Variants in USP28 observed in about 807,000 individuals in gnomAD.
USP28 encodes the protein ubiquitin specific peptidase 28.
USP28 carries 113 observed loss-of-function variants against 145.0 expected under a neutral mutation model. The ratio of observed to expected loss-of-function variants is 0.78; its 90% CI spans 0.67 to 0.91. The LOEUF (loss-of-function observed/expected upper bound fraction) is 0.91, where lower values mean the gene tolerates loss of function less well. Ranked by LOEUF, USP28 falls within the 40% of genes least tolerant of loss-of-function variation. The pLI is 0.00. For synonymous variants in USP28, 447 were observed against 450.9 expected (o/e 0.99, Z 0.11); for missense variants, 1,201 against 1,289.6 (o/e 0.93, Z 1.05).
At chr11:113,801,858 G>A (rs1939088556) in intron 23 of USP28, among the ~76,000 whole-genome samples, 180 bp from the exon 25 acceptor site, 1 of 152,190 alleles carries the variant, frequency 6.6e-6, no homozygotes, top group African/African-American at 2.4e-5. Context: ...GTGTTTAGAT[G>A]ACCGGGACAC....
chr11:113,869,208 G>A (rs977397366), intron 1 of USP28, among the ~76,000 whole-genome samples: 13 of 152,088 alleles, frequency 8.5e-5, no homozygotes, highest in Admixed American at 3.9e-4. Flanking sequence ...CAAGGCAGAC[G>A]GATCACCGGA....
chr11:113,849,301 A>T (rs1045068780), intron 3 of USP28, among the ~76,000 whole-genome samples: 1 of 152,166 alleles, frequency 6.6e-6, no homozygotes, highest in Non-Finnish European at 1.5e-5. Flanking sequence ...ACCAATAAAG[A>T]GCTGCTTGGT....
At chr11:113,827,490 C>A in intron 10 of USP28, 130 bp from the exon 11 acceptor site, 1 of 893,814 alleles carries the variant, frequency 1.1e-6, no homozygotes, top group Non-Finnish European at 1.6e-6. Context: ...CAAACTCATA[C>A]TAGAACTTTT....
chr11:113,813,911 T>A, exon 15 of USP28: 1 of 1,612,928 alleles, frequency 6.2e-7, no homozygotes, highest in Non-Finnish European at 8.5e-7. Flanking sequence ...TCGCAGTACA[T>A]CTGTTCAATA....
intron 1 of USP28, among the ~76,000 whole-genome samples, chr11:113,870,055 G>C (rs1253548565): frequency 1.3e-5 from 2 of 152,130 alleles, no homozygotes; most frequent in Non-Finnish European, 2.9e-5. Context: ...CCAGCCACTC[G>C]GGAGGCTGAG....
At chr11:113,804,339 G>A (rs1480873855) in intron 21 of USP28, among the ~76,000 whole-genome samples, 1 of 152,308 alleles carries the variant, frequency 6.6e-6, no homozygotes, top group East Asian at 1.9e-4. Flanking sequence ...TTGAAAACAT[G>A]TGTAGCTATG....
intron 5 of USP28, among the ~76,000 whole-genome samples, chr11:113,836,078 A>C (rs1222502805): frequency 6.6e-6 from 1 of 152,204 alleles, no homozygotes; most frequent in African/African-American, 2.4e-5. Flanking sequence ...AACTGTCTCA[A>C]AACAAAAAAA....
intron 7 of USP28, among the ~76,000 whole-genome samples, chr11:113,832,338 G>A (rs1295932036): frequency 1.3e-5 from 2 of 152,128 alleles, no homozygotes; most frequent in African/African-American, 4.8e-5. Context: ...TTGAACTCCT[G>A]ACCTCAAATG....
chr11:113,847,320 GA>G (rs1184882837), intron 3 of USP28, among the ~76,000 whole-genome samples: 1 of 151,982 alleles, frequency 6.6e-6, no homozygotes, highest in African/African-American at 2.4e-5. Flanking sequence ...ACATTTATAG[GA>G]AAGACAGGAG....
chr11:113,805,158 A>G, intron 19 of USP28, 112 bp from the exon 21 acceptor site: 8 of 941,384 alleles, frequency 8.5e-6, no homozygotes, highest in Non-Finnish European at 1.1e-5. Context: ...CTTCTAAAAA[A>G]TTCATATCGA....
At chr11:113,830,373 G>A (rs1345749315) in intron 9 of USP28, among the ~76,000 whole-genome samples, 1 of 152,118 alleles carries the variant, frequency 6.6e-6, no homozygotes, top group Non-Finnish European at 1.5e-5. Flanking sequence ...GTGGGCTAAG[G>A]CTGGGTTCAT....
At chr11:113,809,008 G>A (rs1234670392) in intron 17 of USP28, 55 bp downstream of exon 17, 11 of 1,565,202 alleles carry the variant, frequency 7.0e-6, no homozygotes, top group Non-Finnish European at 9.6e-6. Flanking sequence ...GGCTGGCTAG[G>A]GGAGTACAGC....
chr11:113,803,930 T>C, intron 21 of USP28, 53 bp from the exon 23 acceptor site: 1 of 1,482,516 alleles, frequency 6.7e-7, no homozygotes, highest in Non-Finnish European at 9.4e-7. Flanking sequence ...ATTGTTAGTG[T>C]CCTTCCCATC....
intron 1 of USP28, among the ~76,000 whole-genome samples, chr11:113,865,763 C>T (rs545247450): frequency 9.8e-5 from 15 of 152,308 alleles, no homozygotes; most frequent in Admixed American, 3.3e-4. Context: ...GATAAGTCTT[C>T]ATGACCTTGG....
chr11:113,840,777 A>T lies in USP28; in HGVS notation c.375-20T>A. The T allele has an allele frequency of 6.3e-7, 1 of 1,597,362 alleles. No individual in the cohort carries two copies. The highest frequency in any genetic ancestry group is 8.5e-7 in the Non-Finnish European group (1 of 1,172,186). The stretch of plus-strand genomic sequence containing the variant: ...TGCATCCTATATTGTGCAGCGTGCC[A>T]CACAGCAAAAAAGAAAATAGTTAAA... On this transcript the variant is annotated intron_variant, in intron 4 of 24. Coordinates refer to ENST00000003302, the Ensembl canonical transcript of USP28.
At chr11:113,824,503 G>C (rs1046964366) in intron 11 of USP28, among the ~76,000 whole-genome samples, 7 of 151,632 alleles carry the variant, frequency 4.6e-5, no homozygotes, top group Admixed American at 2.6e-4. Flanking sequence ...TTTTTTAGTA[G>C]AGATGGGGTT....
At chr11:113,809,154 T>C in exon 17 of USP28, 1 of 1,614,246 alleles carries the variant, frequency 6.2e-7, no homozygotes, top group Non-Finnish European at 8.5e-7. Context: ...ACTCCTCTAC[T>C]TCCTGCTCAA....
chr11:113,848,755 T>C (rs955002477), intron 3 of USP28, among the ~76,000 whole-genome samples: 1 of 152,200 alleles, frequency 6.6e-6, no homozygotes, highest in East Asian at 1.9e-4. Flanking sequence ...ACAGAAGGCA[T>C]GTAAACTTGT....
intron 3 of USP28, among the ~76,000 whole-genome samples, chr11:113,849,337 T>A (rs1194433965): frequency 6.6e-6 from 1 of 152,206 alleles, no homozygotes; most frequent in Non-Finnish European, 1.5e-5. Flanking sequence ...CCAAGGTGAA[T>A]GGACAACATC....
Sources: gnomAD v4.1 joint callset for allele counts (sites outside exome capture counted in the v4.1 genomes callset) on GRCh38, gnomAD v4.1.1 for gene constraint, MANE v1.5 for transcripts, NCBI Gene and HGNC (gene_info 2026-07-23, HGNC 2026-07-21) for gene names.